ZFPM2: variants seen among roughly 807,000 people sequenced by gnomAD.
ZFPM2 encodes the protein zinc finger protein ZFPM2.
In ZFPM2, 20 loss-of-function variants were observed where a neutral mutation model predicts 98.6. That is an observed-to-expected ratio of 0.20 (90% CI 0.14 to 0.29). ZFPM2 has a LOEUF of 0.29. Ranked by LOEUF, ZFPM2 falls within the 10% of genes least tolerant of loss-of-function variation. ZFPM2 has a pLI of 1.00. For synonymous variants in ZFPM2, 518 were observed against 502.7 expected (o/e 1.03, Z -0.41); for missense variants, 1,310 against 1,388.6 (o/e 0.94, Z 0.90).
At chr8:105,709,104 T>C (rs1406771187) in intron 5 of ZFPM2, among the ~76,000 whole-genome samples, 3 of 152,186 alleles carry the variant, frequency 2.0e-5, no homozygotes, top group African/African-American at 7.2e-5. Context: ...AGATGGGCTC[T>C]CTGATGTGCC....
chr8:105,659,863 T>A (rs1817354388), intron 5 of ZFPM2, among the ~76,000 whole-genome samples: 1 of 152,340 alleles, frequency 6.6e-6, no homozygotes, highest in Non-Finnish European at 1.5e-5. Flanking sequence ...AAAAAGAGAT[T>A]ACGGATAAAT....
intron 1 of ZFPM2, among the ~76,000 whole-genome samples, chr8:105,341,735 C>A (rs1409728887): frequency 4.0e-5 from 6 of 151,866 alleles, no homozygotes; most frequent in Non-Finnish European, 4.4e-5. Flanking sequence ...ATGTTACTTC[C>A]CTTTTAACTT....
intron 2 of ZFPM2, among the ~76,000 whole-genome samples, chr8:105,426,330 G>T (rs1030266756): frequency 3.9e-5 from 6 of 152,184 alleles, no homozygotes; most frequent in Non-Finnish European, 8.8e-5. Flanking sequence ...GGAACTGTTT[G>T]TGCAAATCGC....
intron 5 of ZFPM2, chr8:105,662,423 C>G (rs1443644966): frequency 2.6e-5 from 4 of 152,016 alleles, no homozygotes; most frequent in Non-Finnish European, 4.4e-5. Context: ...CCTGTATCAA[C>G]TTGGGTAAAA....
intron 3 of ZFPM2, among the ~76,000 whole-genome samples, chr8:105,497,149 C>T (rs2130455220): frequency 6.6e-6 from 1 of 151,996 alleles, no homozygotes; most frequent in Admixed American, 6.5e-5. Context: ...CCATACCCAG[C>T]TAATTTTTTG....
chr8:105,554,904 A>C (rs549708615), intron 3 of ZFPM2, among the ~76,000 whole-genome samples: 22 of 152,278 alleles, frequency 1.4e-4, no homozygotes, highest in African/African-American at 5.1e-4. Flanking sequence ...GGCATCAAAA[A>C]GACCATATTA....
chr8:105,583,769 A>G (rs1457384223), intron 4 of ZFPM2, among the ~76,000 whole-genome samples: 7 of 152,140 alleles, frequency 4.6e-5, no homozygotes, highest in Non-Finnish European at 1.0e-4. Flanking sequence ...GCCGGCTAGG[A>G]GAAAAGGACC....
chr8:105,509,624 G>A (rs74771264), intron 3 of ZFPM2, among the ~76,000 whole-genome samples: 3,595 of 152,166 alleles, frequency 0.024, 71 homozygotes, highest in African/African-American at 0.061. Flanking sequence ...CTTAATAGTT[G>A]AGGAGTCAAT....
At chr8:105,385,748 A>G (rs1345544746) in intron 1 of ZFPM2, among the ~76,000 whole-genome samples, 1 of 152,192 alleles carries the variant, frequency 6.6e-6, no homozygotes, top group East Asian at 1.9e-4. Flanking sequence ...TCATTCCTTC[A>G]TTGGCACATT....
chr8:105,694,210 T>C (rs150676974), intron 5 of ZFPM2, among the ~76,000 whole-genome samples: 5,388 of 151,914 alleles, frequency 0.035, 319 homozygotes, highest in African/African-American at 0.12. Flanking sequence ...ATGGTCTCAA[T>C]CTCCTGACCT....
intron 4 of ZFPM2, among the ~76,000 whole-genome samples, chr8:105,623,886 G>A (rs568833296): frequency 6.6e-6 from 1 of 152,256 alleles, no homozygotes; most frequent in South Asian, 2.1e-4. Context: ...ATATCAAAAT[G>A]TAGTAAGTTA....
chr8:105,664,740 G>GAA, intron 5 of ZFPM2, among the ~76,000 whole-genome samples: 1 of 152,006 alleles, frequency 6.6e-6, no homozygotes, highest in Non-Finnish European at 1.5e-5. Context: ...AATTGTTTTT[G>GAA]TTCTTTAAAA....
chr8:105,482,362 A>G (rs543083962), intron 3 of ZFPM2, among the ~76,000 whole-genome samples: 2 of 152,264 alleles, frequency 1.3e-5, no homozygotes, highest in Admixed American at 6.5e-5. Context: ...TCATGAATGT[A>G]GCATACAGGC....
At chr8:105,611,898 A>G (rs370522500) in intron 4 of ZFPM2, among the ~76,000 whole-genome samples, 34 of 151,964 alleles carry the variant, frequency 2.2e-4, no homozygotes, top group African/African-American at 7.3e-4. Context: ...GGGTTTTACC[A>G]TGTTGGCCAG....
intron 3 of ZFPM2, among the ~76,000 whole-genome samples, chr8:105,542,494 A>T (rs1359331302): frequency 1.3e-5 from 2 of 152,180 alleles, no homozygotes; most frequent in African/African-American, 4.8e-5. Flanking sequence ...TTTGAACTGC[A>T]TGAGTTCCAG....
At chr8:105,671,398 A>C (rs906405630) in intron 5 of ZFPM2, among the ~76,000 whole-genome samples, 3 of 151,832 alleles carry the variant, frequency 2.0e-5, no homozygotes, top group African/African-American at 7.2e-5. Flanking sequence ...TTTAGCTATA[A>C]ATATATCAAT....
At chr8:105,742,320 C>G (rs553354704) in intron 5 of ZFPM2, among the ~76,000 whole-genome samples, 2 of 146,764 alleles carry the variant, frequency 1.4e-5, no homozygotes, top group African/African-American at 5.1e-5. Context: ...CAAGGCTGCA[C>G]TGAACTATGA....
At chr8:105,696,936 CT>C (rs1416667679) in intron 5 of ZFPM2, among the ~76,000 whole-genome samples, 6 of 152,158 alleles carry the variant, frequency 3.9e-5, no homozygotes, top group African/African-American at 1.2e-4. Context: ...TCGGTGACCC[CT>C]GATGAACTTG....
At chr8:105,764,961 C>T (rs1812824409) in intron 5 of ZFPM2, among the ~76,000 whole-genome samples, 1 of 151,810 alleles carries the variant, frequency 6.6e-6, no homozygotes, top group Non-Finnish European at 1.5e-5. Flanking sequence ...TTTCAGAATT[C>T]ATAATGACCT....
Sources: gnomAD v4.1 joint callset for allele counts (sites outside exome capture counted in the v4.1 genomes callset) on GRCh38, gnomAD v4.1.1 for gene constraint, MANE v1.5 for transcripts, NCBI Gene and HGNC (gene_info 2026-07-23, HGNC 2026-07-21) for gene names.